EFCAB8: variants seen among roughly 807,000 people sequenced by gnomAD.
The protein encoded by EFCAB8 is EF-hand calcium-binding domain-containing protein 8.
Under a neutral mutation model 116.3 loss-of-function variants are expected in EFCAB8, and 100 were observed. The ratio of observed to expected loss-of-function variants is 0.86; its 90% CI spans 0.73 to 1.02. EFCAB8 has a LOEUF of 1.02. Ranked by LOEUF, EFCAB8 falls within the 50% of genes least tolerant of loss-of-function variation. EFCAB8 has a pLI of 0.00. For missense variants in EFCAB8, 1,320 were observed against 1,416.9 expected (o/e 0.93, Z 1.10); for synonymous variants, 558 against 567.9 (o/e 0.98, Z 0.25).
chr20:32,897,681 G>A (rs1257770268), intron 10 of EFCAB8, among the ~76,000 whole-genome samples: 2 of 152,024 alleles, frequency 1.3e-5, no homozygotes, highest in Admixed American at 6.6e-5. Flanking sequence ...CCAAAGTGCT[G>A]GGTTTACAGG....
rs1989159006 is a variant in EFCAB8 at position 32,961,648 on chromosome 20, C to A, written c.*39C>A. 4.2e-6 allele frequency: 5 copies of A among 1,189,298 alleles called. No homozygotes were observed. The highest frequency in any genetic ancestry group is 5.4e-6 in the Non-Finnish European group (5 of 931,750). 73.7% of individuals were successfully genotyped at this position (1,189,298 alleles called of 1,614,324 possible). A position where few individuals can be genotyped will look rare whatever the true frequency, so the allele number is the denominator to read the frequency against. The stretch of plus-strand genomic sequence containing the variant: ...CTTCTCTAGTCCTCCAGCAGGGCAA[C>A]CAGGCCCATGGCGGTCCTGCATGTT... On this transcript the variant is annotated 3_prime_UTR_variant, in exon 27 of 27. Transcript: ENST00000400522.
chr20:32,898,663 G>C lies in EFCAB8; in HGVS notation c.1088+40G>C, dbSNP rs1487484700. 3 of 712,668 alleles carry C rather than the reference G, an allele frequency of 4.2e-6. No homozygotes were observed. The Admixed American group carries it at 6.0e-5, about 14-fold the overall frequency. The allele number at this position is 712,668 out of a possible 1,614,324, so 44.1% of individuals were successfully genotyped here. On this transcript the variant is annotated intron_variant, in intron 11 of 26. Coordinates refer to ENST00000400522, the MANE Select transcript of EFCAB8 (RefSeq NM_001143967.2). ...TCTCCTGGCTAAGGCGGTGGGGCTG[G>C]AAGGGAGGGGGGTGGTGAGTGGACC...
intron 11 of EFCAB8, among the ~76,000 whole-genome samples, chr20:32,906,009 C>G (rs941937288): frequency 1.3e-5 from 2 of 152,204 alleles, no homozygotes; most frequent in South Asian, 4.1e-4. Context: ...CTTTTGGTGT[C>G]TCTATCCCTA....
At chr20:32,879,435 G>T (rs566230387) in intron 5 of EFCAB8, among the ~76,000 whole-genome samples, 29 of 152,290 alleles carry the variant, frequency 1.9e-4, no homozygotes, top group African/African-American at 6.3e-4. Context: ...CCCTTGCTTT[G>T]CAGGGGAGGA....
intron 13 of EFCAB8, 189 bp downstream of exon 13, chr20:32,907,183 G>T: frequency 5.4e-6 from 5 of 931,362 alleles, no homozygotes; most frequent in Non-Finnish European, 6.4e-6. Flanking sequence ...TTCCCAGGTA[G>T]CCCAGCCTGG....
chr20:32,914,012 G>A (rs1987067789), intron 17 of EFCAB8, among the ~76,000 whole-genome samples: 1 of 152,214 alleles, frequency 6.6e-6, no homozygotes, highest in Non-Finnish European at 1.5e-5. Context: ...CTCTATGCCT[G>A]GGCCCTGCCC....
intron 3 of EFCAB8, 34 bp downstream of exon 3, chr20:32,867,781 A>G: frequency 6.5e-7 from 1 of 1,545,484 alleles, no homozygotes; most frequent in Non-Finnish European, 8.7e-7. Context: ...TTTTTGTGTG[A>G]GTTCTGCAAC....
chr20:32,878,283 G>T (rs892346246), intron 4 of EFCAB8, among the ~76,000 whole-genome samples: 2 of 151,676 alleles, frequency 1.3e-5, no homozygotes, highest in African/African-American at 2.4e-5. Context: ...AAAAAAAAAG[G>T]CCGGGTGTGG....
chr20:32,867,842 A>T, intron 3 of EFCAB8, 95 bp downstream of exon 3: 3 of 1,220,800 alleles, frequency 2.5e-6, no homozygotes, highest in Non-Finnish European at 2.2e-6. Flanking sequence ...CATAATAAGC[A>T]TTTTTTTTTT....
At chr20:32,859,554 T>C (rs1017743523) in intron 1 of EFCAB8, among the ~76,000 whole-genome samples, 6 of 152,226 alleles carry the variant, frequency 3.9e-5, no homozygotes, top group African/African-American at 1.4e-4. Context: ...TTTCTCCTGG[T>C]GAAAGACATT....
rs925472606 is a variant in EFCAB8 at position 32,896,437 on chromosome 20, G to GT, written c.884-11dup. The GT allele has an allele frequency of 4.2e-6, 3 of 718,406 alleles. No individual in the cohort carries two copies. The highest frequency in any genetic ancestry group is 1.5e-5 in the South Asian group (1 of 67,506). The allele number at this position is 718,406 out of a possible 1,614,324, so 44.5% of individuals were successfully genotyped here. Reference sequence around the variant, plus strand: ...GGGAAAGCTGCTGATGTGGACCTTGGTTTTTTCCCCTATCAGATCACTGGA... The same window carrying GT: ...GGGAAAGCTGCTGATGTGGACCTTGGTTTTTTTCCCCTATCAGATCACTGGA... On this transcript the variant is annotated splice_polypyrimidine_tract_variant and intron_variant, in intron 9 of 26. Coordinates refer to ENST00000400522, the MANE Select transcript of EFCAB8 (RefSeq NM_001143967.2).
At chr20:32,911,441 C>G in intron 15 of EFCAB8, 39 bp from the exon 16 acceptor site, 1 of 1,437,052 alleles carries the variant, frequency 7.0e-7, no homozygotes, top group Non-Finnish European at 9.2e-7. Context: ...GTGGAGGCCC[C>G]GGCCTCTCCA....
chr20:32,953,005 A>G (rs1988845740), intron 23 of EFCAB8, among the ~76,000 whole-genome samples: 1 of 152,168 alleles, frequency 6.6e-6, no homozygotes, highest in African/African-American at 2.4e-5. Context: ...CCTGGTAACC[A>G]TCATTCAACT....
At chr20:32,893,431 G>T in intron 9 of EFCAB8, 133 bp downstream of exon 9, 1 of 1,333,110 alleles carries the variant, frequency 7.5e-7, no homozygotes, top group South Asian at 1.4e-5. Context: ...CTGCTTCCAA[G>T]CGCAGGGTGC....
chr20:32,936,676 A>G (rs1034587529), intron 22 of EFCAB8, among the ~76,000 whole-genome samples: 3 of 152,166 alleles, frequency 2.0e-5, no homozygotes, highest in East Asian at 1.9e-4. Context: ...CGATGTGTCT[A>G]TTTTTATGCC....
chr20:32,860,980 T>A (rs1272272707), intron 1 of EFCAB8, among the ~76,000 whole-genome samples: 1 of 151,852 alleles, frequency 6.6e-6, no homozygotes, highest in Non-Finnish European at 1.5e-5. Flanking sequence ...GCTCAAGCGA[T>A]CTTCCCACCT....
chr20:32,928,015 C>T (rs1987740383), intron 20 of EFCAB8, among the ~76,000 whole-genome samples: 1 of 152,064 alleles, frequency 6.6e-6, no homozygotes, highest in Non-Finnish European at 1.5e-5. Flanking sequence ...CCCTGGAAAC[C>T]CCCATTCTAC....
intron 17 of EFCAB8, among the ~76,000 whole-genome samples, chr20:32,914,300 C>T: frequency 6.6e-6 from 1 of 152,102 alleles, no homozygotes; most frequent in East Asian, 1.9e-4. Context: ...CCATTCTGCC[C>T]CCAGAGCCCT....
chr20:32,906,238 G>T (rs1387146101), intron 11 of EFCAB8, among the ~76,000 whole-genome samples: 3 of 152,168 alleles, frequency 2.0e-5, no homozygotes, highest in Admixed American at 2.0e-4. Context: ...CTTGGAATGA[G>T]GCCAAATGCT....
Sources: gnomAD v4.1 joint callset for allele counts (sites outside exome capture counted in the v4.1 genomes callset) on GRCh38, gnomAD v4.1.1 for gene constraint, MANE v1.5 for transcripts, NCBI Gene and HGNC (gene_info 2026-07-23, HGNC 2026-07-21) for gene names.